The following PCBP3 variants were observed in gnomAD, a reference collection of about 807,000 sequenced individuals.
PCBP3 encodes the protein poly(rC)-binding protein 3.
PCBP3 carries 25 observed loss-of-function variants against 52.7 expected under a neutral mutation model. The observed-to-expected ratio is 0.47, with a 90% CI of 0.35 to 0.66. PCBP3 has a LOEUF of 0.66. Among genes scored for constraint, PCBP3 ranks in the 30% least tolerant of loss-of-function variants. PCBP3 has a pLI of 0.01. For missense variants in PCBP3, 391 were observed against 490.3 expected (o/e 0.80, Z 1.91); for synonymous variants, 162 against 183.0 (o/e 0.89, Z 0.93).
intron 2 of PCBP3, among the ~76,000 whole-genome samples, chr21:45,714,121 G>A (rs945530000): frequency 7.2e-5 from 11 of 152,144 alleles, no homozygotes; most frequent in Non-Finnish European, 1.5e-5. Flanking sequence ...TCTTCAGCGT[G>A]GTTGGTTGCG....
chr21:45,877,213 C>T (rs552604598), intron 5 of PCBP3, among the ~76,000 whole-genome samples: 10 of 152,278 alleles, frequency 6.6e-5, no homozygotes, highest in African/African-American at 2.4e-4. Flanking sequence ...TGGTCGGGAA[C>T]CTAGGCCTGG....
intron 3 of PCBP3, chr21:45,750,259 G>A (rs2087310392): frequency 6.6e-6 from 1 of 152,382 alleles, no homozygotes; most frequent in South Asian, 2.1e-4. Flanking sequence ...GGAAGACCAT[G>A]CGGAAATCCT....
intron 1 of PCBP3, among the ~76,000 whole-genome samples, chr21:45,667,145 C>A (rs1282556572): frequency 8.3e-6 from 1 of 120,454 alleles, no homozygotes; most frequent in Non-Finnish European, 1.8e-5. Context: ...TTCCCTTTTT[C>A]TTTCTTTCTC....
At chr21:45,852,353 CCCTG>C (rs2094049810) in intron 5 of PCBP3, among the ~76,000 whole-genome samples, 3 of 137,452 alleles carry the variant, frequency 2.2e-5, no homozygotes, top group South Asian at 2.2e-4. Flanking sequence ...CCTGCAGCCA[CCCTG>C]ACTTTTGTTC....
At chr21:45,857,953 G>C (rs536411925) in intron 5 of PCBP3, among the ~76,000 whole-genome samples, 1 of 152,236 alleles carries the variant, frequency 6.6e-6, no homozygotes, top group East Asian at 1.9e-4. Flanking sequence ...AGAGGGCAGG[G>C]GTGTTGCCTC....
At chr21:45,682,407 A>G (rs970041709) in intron 2 of PCBP3, among the ~76,000 whole-genome samples, 2 of 152,188 alleles carry the variant, frequency 1.3e-5, no homozygotes, top group African/African-American at 4.8e-5. Context: ...CCATCTTCCC[A>G]GAAGTGGAAG....
intron 14 of PCBP3, among the ~76,000 whole-genome samples, 188 bp downstream of exon 14, chr21:45,930,183 T>TCTCG (rs1414529007): frequency 7.0e-6 from 1 of 143,340 alleles, no homozygotes; most frequent in East Asian, 2.4e-4. Context: ...GGGAGGTGGG[T>TCTCG]CTCGCTCCCA....
chr21:45,789,024 T>C (rs2091347541), intron 4 of PCBP3, among the ~76,000 whole-genome samples: 1 of 152,218 alleles, frequency 6.6e-6, no homozygotes. Context: ...CCCTGCTCTG[T>C]CCTGGGCTTA....
At chr21:45,659,253 A>T in intron 1 of PCBP3, among the ~76,000 whole-genome samples, 1 of 151,298 alleles carries the variant, frequency 6.6e-6, no homozygotes, top group East Asian at 1.9e-4. Context: ...CTCTTTTAAC[A>T]TAGGTGTTTA....
At chr21:45,702,907 T>C (rs539723328) in intron 2 of PCBP3, among the ~76,000 whole-genome samples, 2 of 152,168 alleles carry the variant, frequency 1.3e-5, no homozygotes, top group Non-Finnish European at 2.9e-5. Flanking sequence ...TTATGTAATA[T>C]TAATATTCTA....
At chr21:45,900,685 G>A (rs2096010120) in intron 8 of PCBP3, 62 bp downstream of exon 8, 1 of 1,190,958 alleles carries the variant, frequency 8.4e-7, no homozygotes, top group African/African-American at 1.5e-5. Flanking sequence ...TGGGTCCCCA[G>A]GCTCTGCCCC....
intron 5 of PCBP3, among the ~76,000 whole-genome samples, chr21:45,856,310 C>T (rs2148339890): frequency 6.6e-6 from 1 of 152,346 alleles, no homozygotes; most frequent in East Asian, 1.9e-4. Flanking sequence ...TTAACCCAGA[C>T]ACTCCTTTCT....
At chr21:45,843,277 G>A (rs751795482) in intron 4 of PCBP3, among the ~76,000 whole-genome samples, 13 of 152,140 alleles carry the variant, frequency 8.5e-5, no homozygotes, top group Non-Finnish European at 1.9e-4. Flanking sequence ...CTTCCTTTAC[G>A]TGACTACTAT....
intron 4 of PCBP3, among the ~76,000 whole-genome samples, chr21:45,774,368 G>A (rs1400765477): frequency 5.5e-5 from 8 of 146,408 alleles, no homozygotes; most frequent in South Asian, 2.1e-4. Flanking sequence ...CCAGCCTGGC[G>A]ACAGAGCAAG....
chr21:45,644,670 A>T (rs1219273920), intron 1 of PCBP3, among the ~76,000 whole-genome samples: 1 of 152,052 alleles, frequency 6.6e-6, no homozygotes. Context: ...CTGGATTTGC[A>T]GGTCTTGTTA....
intron 2 of PCBP3, among the ~76,000 whole-genome samples, chr21:45,695,780 G>C (rs189309467): frequency 6.6e-6 from 1 of 152,118 alleles, no homozygotes; most frequent in East Asian, 1.9e-4. Context: ...AATTAAGCAC[G>C]AAAAGAATGG....
At chr21:45,665,087 G>T (rs1042224349) in intron 1 of PCBP3, among the ~76,000 whole-genome samples, 2 of 151,698 alleles carry the variant, frequency 1.3e-5, no homozygotes, top group African/African-American at 4.8e-5. Flanking sequence ...TTGGTTTTCA[G>T]CTTGATTGTT....
At chr21:45,665,693 AAAG>A (rs1250360769) in intron 1 of PCBP3, among the ~76,000 whole-genome samples, 1 of 152,180 alleles carries the variant, frequency 6.6e-6, no homozygotes, top group East Asian at 1.9e-4. Flanking sequence ...CCAGATGTGT[AAAG>A]AAGAACCGGT....
chr21:45,911,444 C>G, intron 11 of PCBP3: 1 of 276,494 alleles, frequency 3.6e-6, no homozygotes, highest in Non-Finnish European at 7.2e-6. Context: ...TCTGCGCATG[C>G]AGTTCTGCAG....
Sources: allele counts gnomAD v4.1 joint callset (sites outside exome capture counted in the v4.1 genomes callset), GRCh38; gene constraint gnomAD v4.1.1; transcripts MANE v1.5; gene names NCBI Gene and HGNC (gene_info 2026-07-23, HGNC 2026-07-21).